Variants in PCDHGB7 observed in about 807,000 individuals in gnomAD.
PCDHGB7 encodes the protein protocadherin gamma-B7.
PCDHGB7 carries 37 observed loss-of-function variants against 61.4 expected under a neutral mutation model. The observed-to-expected ratio is 0.60, with a 90% CI of 0.46 to 0.79. The LOEUF is 0.79. PCDHGB7 is among the 30% of genes least tolerant of loss of function. The pLI, the probability that PCDHGB7 is intolerant of heterozygous loss-of-function variation, is 0.00. For synonymous variants in PCDHGB7, 464 were observed against 503.5 expected (o/e 0.92, Z 1.05); for missense variants, 1,166 against 1,202.5 (o/e 0.97, Z 0.45).
chr5:141,477,600 T>A lies in PCDHGB7; in HGVS notation c.2416-17207T>A, dbSNP rs746047124. The A allele has an allele frequency of 6.2e-6, 10 of 1,614,146 alleles. No homozygotes were observed. The highest frequency in any genetic ancestry group is 7.6e-6 in the Non-Finnish European group (9 of 1,180,026). ...CCGCAGAATGCTCGGCTTTCTTTCT[T>A]TCTCTTGGAGCAAGGAGCTGAAACC... On this transcript the variant is annotated intron_variant, in intron 1 of 3. Coordinates refer to ENST00000398594, the MANE Select transcript of PCDHGB7 (RefSeq NM_018927.4). This position sits in a 1 kb window ranked among gnomAD's most constrained non-coding sequence, Gnocchi z 4.9.
At chr5:141,499,186 T>A (rs1332703037) in intron 2 of PCDHGB7, among the ~76,000 whole-genome samples, 2 of 152,036 alleles carry the variant, frequency 1.3e-5, no homozygotes, top group Non-Finnish European at 2.9e-5. Context: ...AGCAAACCAT[T>A]TCCCCCTTCT....
chr5:141,428,392 T>A, intron 1 of PCDHGB7: 1 of 497,196 alleles, frequency 2.0e-6, no homozygotes, highest in Admixed American at 3.1e-5. Flanking sequence ...TTCCAGCCCC[T>A]CTGCCTGGGG....
At position 141,431,968 on chromosome 5, in the gene PCDHGB7, T is replaced by A. The variant is rs571981127; in HGVS notation, c.2415+11694T>A. On this transcript the variant is annotated intron_variant, in intron 1 of 3. Coordinates refer to ENST00000398594, the MANE Select transcript of PCDHGB7 (RefSeq NM_018927.4). The surrounding 1 kb of genome is among the most constrained non-coding windows in gnomAD (Gnocchi z 4.8). Reference sequence around the variant, plus strand: ...AAAAATCTTACGGAAATTACTATAGTTTAGTCACAGACATAGTCTTGGATA... The same window carrying A: ...AAAAATCTTACGGAAATTACTATAGATTAGTCACAGACATAGTCTTGGATA... 1.9e-6 allele frequency: 3 copies of A among 1,614,072 alleles called. No individual in the cohort carries two copies. Among genetic ancestry groups the A allele is most frequent in the Non-Finnish European group, 2.5e-6 (3 of 1,180,014 alleles).
At chr5:141,425,719 A>G (rs2096890303) in intron 1 of PCDHGB7, among the ~76,000 whole-genome samples, 1 of 152,200 alleles carries the variant, frequency 6.6e-6, no homozygotes. Context: ...TTCCCATACC[A>G]CTTGATGGGG....
At chr5:141,492,962 C>A (rs1197532146) in intron 1 of PCDHGB7, among the ~76,000 whole-genome samples, 2 of 152,258 alleles carry the variant, frequency 1.3e-5, no homozygotes, top group African/African-American at 2.4e-5. Flanking sequence ...CTATCTGACA[C>A]TCTAACAAGT....
intron 1 of PCDHGB7, among the ~76,000 whole-genome samples, chr5:141,463,632 T>C (rs2099065676): frequency 6.6e-6 from 1 of 151,822 alleles, no homozygotes; most frequent in Admixed American, 6.6e-5. Flanking sequence ...GTATTTTGTT[T>C]AGTAGAGACG....
intron 1 of PCDHGB7, among the ~76,000 whole-genome samples, chr5:141,473,773 T>C (rs1473510505): frequency 6.6e-6 from 1 of 152,254 alleles, no homozygotes; most frequent in Non-Finnish European, 1.5e-5. Context: ...GGATTTGGTA[T>C]TTTAATTCAA....
chr5:141,425,217 T>G (rs565640413), intron 1 of PCDHGB7, among the ~76,000 whole-genome samples: 51 of 152,294 alleles, frequency 3.3e-4, no homozygotes, highest in Middle Eastern at 3.4e-3. Flanking sequence ...GCATTGTACT[T>G]TGACTGGAAT....
Position 141,487,540 on chromosome 5 carries a change from G to T in PCDHGB7, c.2416-7267G>T, listed in dbSNP as rs1319372340. The T allele has an allele frequency of 1.2e-6, 2 of 1,614,208 alleles. No homozygotes were observed. Among genetic ancestry groups the T allele is most frequent in the Admixed American group, 3.3e-5 (2 of 60,034 alleles). ...GGAGTGATAGCTTCATGATGGTGAA[G>T]TCACCCAGTGCACCTATGGCAGGGG... is the stretch of plus-strand genomic sequence containing the variant. On this transcript the variant is annotated intron_variant, in intron 1 of 3. Transcript: ENST00000398594. This position sits in a 1 kb window ranked among gnomAD's most constrained non-coding sequence, Gnocchi z 5.0.
At chr5:141,449,888 A>G (rs544369390) in intron 1 of PCDHGB7, among the ~76,000 whole-genome samples, 1 of 151,990 alleles carries the variant, frequency 6.6e-6, no homozygotes, top group Non-Finnish European at 1.5e-5. Flanking sequence ...ATGCAATATA[A>G]TTATTTAGCC....
chr5:141,438,998 C>A (rs932958148), intron 1 of PCDHGB7, among the ~76,000 whole-genome samples: 7 of 151,836 alleles, frequency 4.6e-5, no homozygotes, highest in Non-Finnish European at 1.0e-4. Flanking sequence ...GGCTAAGGAC[C>A]TGGTTTGTTT....
Position 141,432,044 on chromosome 5 carries a change from A to T in PCDHGB7, c.2415+11770A>T. 6.2e-7 allele frequency: 1 copy of T among 1,613,886 alleles called. No individual in the cohort carries two copies. Among genetic ancestry groups the T allele is most frequent in the Non-Finnish European group, 8.5e-7 (1 of 1,179,922 alleles). ...CACAGTGACCGCCACTGACCGGGGA[A>T]CCCCGCCCCTATCCACGGAAACTCA... On this transcript the variant is annotated intron_variant, in intron 1 of 3. Coordinates refer to ENST00000398594, the MANE Select transcript of PCDHGB7 (RefSeq NM_018927.4). This position sits in a 1 kb window ranked among gnomAD's most constrained non-coding sequence, Gnocchi z 6.0.
intron 1 of PCDHGB7, among the ~76,000 whole-genome samples, chr5:141,479,878 A>G (rs1033313584): frequency 2.0e-5 from 3 of 152,170 alleles, no homozygotes; most frequent in African/African-American, 7.2e-5. Context: ...AGAACCCTAT[A>G]CATACTCTCA....
rs368168278 is a variant in PCDHGB7, at chr5:141,419,810, C to T, written c.1951C>T (p.Gln651Ter). Residue 651 changes from glutamine (Q) to a stop codon, truncating the protein, a stop_gained, in exon 1 of 4, where the codon CAG becomes TAG. Coordinates refer to ENST00000398594, the MANE Select transcript of PCDHGB7 (RefSeq NM_018927.4). LOFTEE classifies it high-confidence loss of function. ...RLLVAVRDGG[Q>*]PPLSATATLH... ...GCTAGTCGCTGTAAGAGATGGAGGA[C>T]AGCCACCCCTTTCAGCCACTGCCAC... The T allele has an allele frequency of 3.1e-6, 5 of 1,613,946 alleles. No individual in the cohort carries two copies. The Admixed American group carries it at 8.3e-5, about 27-fold the overall frequency.
chr5:141,501,947 T>A (rs2099811963), intron 2 of PCDHGB7, among the ~76,000 whole-genome samples: 1 of 152,152 alleles, frequency 6.6e-6, no homozygotes, highest in Non-Finnish European at 1.5e-5. Context: ...CTGCTCCCTG[T>A]GACAGGTCAT....
Position 141,487,562 on chromosome 5 carries a change from G to C in PCDHGB7, c.2416-7245G>C. The stretch of plus-strand genomic sequence containing the variant: ...GAAGTCACCCAGTGCACCTATGGCA[G>C]GGGAGCCTGTTCGCCCAAGCTGCCC... On this transcript the variant is annotated intron_variant, in intron 1 of 3. Coordinates refer to ENST00000398594, the MANE Select transcript of PCDHGB7 (RefSeq NM_018927.4). The surrounding 1 kb of genome is among the most constrained non-coding windows in gnomAD (Gnocchi z 5.0). The C allele has an allele frequency of 6.2e-7, 1 of 1,614,178 alleles. No homozygotes were observed.
At chr5:141,473,635 C>A (rs945632106) in intron 1 of PCDHGB7, among the ~76,000 whole-genome samples, 1 of 152,128 alleles carries the variant, frequency 6.6e-6, no homozygotes, top group African/African-American at 2.4e-5. Flanking sequence ...AGCAGCTTTC[C>A]TGGCAAAGGA....
Position 141,491,436 on chromosome 5 carries a change from G to A in PCDHGB7, c.2416-3371G>A, listed in dbSNP as rs771884610. ...ACGGGGGTGGAGGGCAGTGCTGCAG[G>A]CGCCAGGACTCACCCTCCCCGGACT... On this transcript the variant is annotated intron_variant, in intron 1 of 3. Coordinates refer to ENST00000398594, the MANE Select transcript of PCDHGB7 (RefSeq NM_018927.4). This position sits in a 1 kb window ranked among gnomAD's most constrained non-coding sequence, Gnocchi z 6.9. 1 of 1,614,070 alleles carries A rather than the reference G, an allele frequency of 6.2e-7. No individual in the cohort carries two copies. The highest frequency in any genetic ancestry group is 8.5e-7 in the Non-Finnish European group (1 of 1,180,034).
At chr5:141,463,296 C>T (rs1194250577) in intron 1 of PCDHGB7, among the ~76,000 whole-genome samples, 1 of 151,986 alleles carries the variant, frequency 6.6e-6, no homozygotes, top group African/African-American at 2.4e-5. Flanking sequence ...CTCCTAATCT[C>T]CCCAAACTCT....
Sources: gnomAD v4.1 joint callset for allele counts (sites outside exome capture counted in the v4.1 genomes callset) on GRCh38, gnomAD v4.1.1 for gene constraint, Gnocchi (gnomAD v3.1) non-coding constraint, MANE v1.5 for transcripts, NCBI Gene and HGNC (gene_info 2026-07-23, HGNC 2026-07-21) for gene names.